IMMP2L: variants seen among roughly 807,000 people sequenced by gnomAD.
IMMP2L encodes the protein inner mitochondrial membrane peptidase subunit 2, also known as mitochondrial inner membrane protease subunit 2.
IMMP2L carries 18 observed loss-of-function variants against 19.3 expected under a neutral mutation model. That is an observed-to-expected ratio of 0.93 (90% CI 0.64 to 1.38). IMMP2L has a LOEUF of 1.38. IMMP2L is among the 40% of genes most tolerant of loss of function. The pLI is 0.00. For missense variants in IMMP2L, 233 were observed against 218.2 expected (o/e 1.07, Z -0.43); for synonymous variants, 76 against 73.0 (o/e 1.04, Z -0.21).
intron 5 of IMMP2L, among the ~76,000 whole-genome samples, chr7:110,753,087 A>G (rs1797825860): frequency 6.6e-6 from 1 of 152,030 alleles, no homozygotes; most frequent in African/African-American, 2.4e-5. Context: ...GCTTTATAGG[A>G]AATGCTTGGT....
intron 3 of IMMP2L, among the ~76,000 whole-genome samples, chr7:111,092,105 C>G (rs1479922150): frequency 6.6e-6 from 1 of 152,146 alleles, no homozygotes; most frequent in African/African-American, 2.4e-5. Flanking sequence ...ATATCACAAA[C>G]AGTTATTGAA....
rs1812015548 is a variant in IMMP2L, at chr7:110,902,652, C to T, written c.306-15957G>A. 5.2e-5 allele frequency among the ~76,000 whole-genome samples: 2 copies of T among 38,184 alleles called. 1 individual carries two copies. Among genetic ancestry groups the T allele is most frequent in the Non-Finnish European group, 8.8e-5 (2 of 22,696 alleles). The allele number at this position is 38,184 out of a possible 152,430, so 25.1% of individuals were successfully genotyped here. On this transcript the variant is annotated intron_variant, in intron 4 of 5. Transcript: ENST00000405709. The stretch of plus-strand genomic sequence containing the variant: ...TAAAGAGTACAGACTCGGCCGGGCG[C>T]GGTGGCTCACGCCTGTAATCCCAGC...
chr7:110,858,412 C>T (rs1206108278), intron 5 of IMMP2L, among the ~76,000 whole-genome samples: 1 of 151,964 alleles, frequency 6.6e-6, no homozygotes, highest in Non-Finnish European at 1.5e-5. Flanking sequence ...ACTCCTTGGA[C>T]TAGCAGAGGG....
chr7:111,216,915 G>A (rs1023297699), intron 3 of IMMP2L, among the ~76,000 whole-genome samples: 1 of 151,804 alleles, frequency 6.6e-6, no homozygotes, highest in Non-Finnish European at 1.5e-5. Flanking sequence ...GAAGGGTGGG[G>A]GAAAAGAAAA....
At chr7:110,722,035 A>G (rs949187934) in intron 5 of IMMP2L, among the ~76,000 whole-genome samples, 1 of 152,092 alleles carries the variant, frequency 6.6e-6, no homozygotes, top group Non-Finnish European at 1.5e-5. Context: ...AGGTTTAGTG[A>G]GAGGGTTCAT....
At chr7:110,883,610 A>G (rs1158143239) in intron 5 of IMMP2L, among the ~76,000 whole-genome samples, 2 of 152,170 alleles carry the variant, frequency 1.3e-5, no homozygotes, top group African/African-American at 4.8e-5. Flanking sequence ...AGGTCACACT[A>G]TGATCACAAA....
chr7:111,354,071 A>G (rs1404774152), intron 3 of IMMP2L, among the ~76,000 whole-genome samples: 2 of 152,110 alleles, frequency 1.3e-5, no homozygotes, highest in African/African-American at 4.8e-5. Context: ...ATCAAGCTTT[A>G]TATTTAGGAA....
At chr7:111,114,618 C>T (rs1221321693) in intron 3 of IMMP2L, among the ~76,000 whole-genome samples, 1 of 151,606 alleles carries the variant, frequency 6.6e-6, no homozygotes, top group Non-Finnish European at 1.5e-5. Context: ...TGCCTGTAAT[C>T]CCAGCCACTT....
chr7:111,400,396 T>A (rs1055869274), intron 3 of IMMP2L, among the ~76,000 whole-genome samples: 3 of 152,106 alleles, frequency 2.0e-5, no homozygotes, highest in Non-Finnish European at 4.4e-5. Flanking sequence ...GATTTTTCAA[T>A]CTCAAAATTC....
At chr7:110,899,876 G>C (rs1341252519) in intron 4 of IMMP2L, among the ~76,000 whole-genome samples, 1 of 152,082 alleles carries the variant, frequency 6.6e-6, no homozygotes, top group Non-Finnish European at 1.5e-5. Context: ...GTTTATCTTT[G>C]TATGTTTTTG....
chr7:111,124,965 C>G (rs1221176668), intron 3 of IMMP2L: 10 of 1,124,334 alleles, frequency 8.9e-6, no homozygotes, highest in Non-Finnish European at 1.3e-5. Context: ...TGCAGTTGTG[C>G]TAAAAACAAA....
rs187082195 is a variant in IMMP2L, at chr7:111,072,874, G to T, written c.240-109309C>A. On this transcript the variant is annotated intron_variant, in intron 3 of 5. Coordinates refer to ENST00000405709, the MANE Select transcript of IMMP2L (RefSeq NM_032549.4). ...GCCAAGATTGCACCACTGCATTCCA[G>T]CCTGGGTGACAGAGCAAGACTGTCT... Among the ~76,000 whole-genome samples the T allele has an allele frequency of 2.0e-5, 3 of 147,832 alleles. No individual in the cohort carries two copies. In the East Asian group the frequency reaches 6.0e-4, roughly 30 times the overall value.
intron 3 of IMMP2L, among the ~76,000 whole-genome samples, chr7:111,236,867 T>C (rs1020001588): frequency 5.9e-5 from 9 of 152,184 alleles, no homozygotes; most frequent in African/African-American, 1.9e-4. Context: ...TGTCCTGAAC[T>C]GTCTGATATT....
At chr7:111,534,296 G>A (rs1313200397) in intron 1 of IMMP2L, among the ~76,000 whole-genome samples, 2 of 151,944 alleles carry the variant, frequency 1.3e-5, no homozygotes, top group Admixed American at 1.3e-4. Context: ...ATTATGACAT[G>A]CATACAGTAG....
chr7:110,728,049 C>T lies in IMMP2L; in HGVS notation c.409-64328G>A, dbSNP rs1464418330. ...TTACCTGAGCTTGCCTCAATTTCTT[C>T]TTCTGAAGAACAGGGGTACCAACAA... On this transcript the variant is annotated intron_variant, in intron 5 of 5. Transcript: ENST00000405709. The surrounding 1 kb of genome is among the most constrained non-coding windows in gnomAD (Gnocchi z 4.6). Among the ~76,000 whole-genome samples the T allele has an allele frequency of 6.6e-6, 1 of 152,200 alleles. No homozygotes were observed. Among genetic ancestry groups the T allele is most frequent in the African/African-American group, 2.4e-5 (1 of 41,454 alleles).
At position 111,013,423 on chromosome 7, in the gene IMMP2L, C is replaced by T. The variant is rs141240876; in HGVS notation, c.240-49858G>A. ...AAGTAGCAATAAGGACAGAAAGAAA[C>T]AGGCTTACTTTTCGAGGTAAGACTG... is the stretch of plus-strand genomic sequence containing the variant. On this transcript the variant is annotated intron_variant, in intron 3 of 5. Transcript: ENST00000405709. 2.7e-3 allele frequency among the ~76,000 whole-genome samples: 408 copies of T among 152,170 alleles called. 1 individual carries two copies. Among genetic ancestry groups the T allele is most frequent in the Middle Eastern group, 6.8e-3 (2 of 294 alleles).
intron 5 of IMMP2L, among the ~76,000 whole-genome samples, chr7:110,819,850 T>C (rs1041228151): frequency 3.3e-5 from 5 of 151,282 alleles, no homozygotes; most frequent in African/African-American, 1.2e-4. Flanking sequence ...CCATGGTGTG[T>C]GTAAACAAGA....
chr7:110,772,542 G>A (rs938178421), intron 5 of IMMP2L, among the ~76,000 whole-genome samples: 9 of 152,070 alleles, frequency 5.9e-5, no homozygotes, highest in Admixed American at 5.2e-4. Flanking sequence ...GCTTGGCTAC[G>A]AGCCCCTTCA....
chr7:110,713,428 A>G (rs1795029403), intron 5 of IMMP2L, among the ~76,000 whole-genome samples: 1 of 152,038 alleles, frequency 6.6e-6, no homozygotes, highest in Non-Finnish European at 1.5e-5. Context: ...TTTAAAATAG[A>G]TTTTTCTGAT....
Sources: gnomAD v4.1 joint callset for allele counts (sites outside exome capture counted in the v4.1 genomes callset) on GRCh38, gnomAD v4.1.1 for gene constraint, Gnocchi (gnomAD v3.1) non-coding constraint, MANE v1.5 for transcripts, NCBI Gene and HGNC (gene_info 2026-07-23, HGNC 2026-07-21) for gene names.